CACNB2: variants seen among roughly 807,000 people sequenced by gnomAD.
CACNB2 encodes voltage-dependent L-type calcium channel subunit beta-2.
In CACNB2, 42 loss-of-function variants were observed where a neutral mutation model predicts 73.3. The ratio of observed to expected loss-of-function variants is 0.57; its 90% CI spans 0.45 to 0.74. CACNB2 has a LOEUF of 0.74. CACNB2 is among the 30% of genes least tolerant of loss of function. The probability of loss-of-function intolerance (pLI) is 0.00; values close to 1 mark genes in which losing one functional copy is unlikely to be tolerated. For synonymous variants in CACNB2, 348 were observed against 310.3 expected, an observed-to-expected ratio of 1.12 and a Z score of -1.28; for missense variants, 940 against 853.0, an observed-to-expected ratio of 1.10 and a Z score of -1.27.
At chr10:18,492,737 G>A (rs556610494) in intron 3 of CACNB2, among the ~76,000 whole-genome samples, 30 of 152,010 alleles carry the variant, frequency 2.0e-4, no homozygotes, top group Non-Finnish European at 4.0e-4. Flanking sequence ...TCACAGAAAA[G>A]CTTCTTGACT....
intron 10 of CACNB2, among the ~76,000 whole-genome samples, chr10:18,530,003 AAG>A (rs1367365843): frequency 6.6e-6 from 1 of 152,208 alleles, no homozygotes; most frequent in East Asian, 1.9e-4. Flanking sequence ...GGCAGCAGGC[AAG>A]AGAGAGCATG....
chr10:18,234,046 T>C (rs1277753), intron 2 of CACNB2: 130,275 of 152,134 alleles, frequency 0.86, 56,244 homozygotes, highest in African/African-American at 0.96. Flanking sequence ...TACCAGATAC[T>C]GGGACAGGCA....
intron 3 of CACNB2, among the ~76,000 whole-genome samples, chr10:18,460,597 A>G (rs2047519641): frequency 6.6e-6 from 1 of 152,160 alleles, no homozygotes; most frequent in African/African-American, 2.4e-5. Context: ...AAAAAAATAA[A>G]TAAAGGATTC....
intron 2 of CACNB2, among the ~76,000 whole-genome samples, chr10:18,332,909 T>C (rs1375718858): frequency 6.6e-6 from 1 of 152,202 alleles, no homozygotes; most frequent in Non-Finnish European, 1.5e-5. Context: ...CCATGTTAAA[T>C]GCAGGTTACA....
At chr10:18,352,226 ATGAGT>A (rs1311282595) in intron 2 of CACNB2, among the ~76,000 whole-genome samples, 1 of 152,216 alleles carries the variant, frequency 6.6e-6, no homozygotes, top group Non-Finnish European at 1.5e-5. Flanking sequence ...TTCTGATCGC[ATGAGT>A]TGAGTGGACT....
At position 18,536,275 on chromosome 10, in the gene CACNB2, G is replaced by GTTTTTTTTTTTTTTTTT. The variant is rs2053587888; in HGVS notation, c.1302+79_1302+80insTTTTTTTTTTTTTTTTT. The GTTTTTTTTTTTTTTTTT allele has an allele frequency of 1.1e-3, 105 of 92,512 alleles. 17 individuals carry two copies. The highest frequency in any genetic ancestry group is 2.9e-3 in the African/African-American group (29 of 10,160). The allele number at this position is 92,512 out of a possible 1,614,324, so 5.7% of individuals were successfully genotyped here. On this transcript the variant is annotated intron_variant, in intron 12 of 13. Coordinates refer to ENST00000324631, the MANE Select transcript of CACNB2 (RefSeq NM_201596.3). The stretch of plus-strand genomic sequence containing the variant: ...TTTTTTTTTTTTTTTTTTTTTTTTG[G>GTTTTTTTTTTTTTTTTT]GGGACAAGGTCTTGCTCTGTTGCCC...
chr10:18,374,463 C>T (rs1250835128), intron 2 of CACNB2, among the ~76,000 whole-genome samples: 1 of 152,200 alleles, frequency 6.6e-6, no homozygotes, highest in African/African-American at 2.4e-5. Flanking sequence ...TACAGTGGCT[C>T]ATGCCTATAA....
intron 3 of CACNB2, among the ~76,000 whole-genome samples, chr10:18,494,878 C>G (rs1186382140): frequency 6.6e-6 from 1 of 151,642 alleles, no homozygotes; most frequent in East Asian, 1.9e-4. Context: ...CTGGGCAACA[C>G]AGCAATACCC....
At chr10:18,260,464 T>G in intron 2 of CACNB2, 1 of 985,320 alleles carries the variant, frequency 1.0e-6, no homozygotes, top group Non-Finnish European at 1.2e-6. Context: ...ACCAAACAAC[T>G]GTGCGCCGCA....
At chr10:18,531,342 C>G (rs1028887917) in intron 10 of CACNB2, among the ~76,000 whole-genome samples, 1 of 152,124 alleles carries the variant, frequency 6.6e-6, no homozygotes, top group Non-Finnish European at 1.5e-5. Context: ...TTCTTCCTCC[C>G]ACCCTGATAG....
intron 2 of CACNB2, among the ~76,000 whole-genome samples, chr10:18,295,009 C>T (rs911825609): frequency 1.3e-5 from 2 of 152,160 alleles, no homozygotes; most frequent in Non-Finnish European, 2.9e-5. Context: ...CTGACACAGT[C>T]AAGCTTCATA....
At chr10:18,359,017 C>T (rs1336563295) in intron 2 of CACNB2, among the ~76,000 whole-genome samples, 1 of 151,908 alleles carries the variant, frequency 6.6e-6, no homozygotes, top group Non-Finnish European at 1.5e-5. Context: ...TTAATACAGG[C>T]CTGAATTTAA....
chr10:18,203,169 C>T (rs2034954262), intron 2 of CACNB2, among the ~76,000 whole-genome samples: 1 of 152,122 alleles, frequency 6.6e-6, no homozygotes, highest in Non-Finnish European at 1.5e-5. Context: ...AAATTTTGTT[C>T]TTTCATCTGT....
At chr10:18,388,084 G>A (rs1030143438) in intron 2 of CACNB2, among the ~76,000 whole-genome samples, 1 of 152,144 alleles carries the variant, frequency 6.6e-6, no homozygotes, top group Non-Finnish European at 1.5e-5. Flanking sequence ...TTACCAAAAT[G>A]TATTCTTACC....
chr10:18,248,658 C>T (rs2036963060), intron 2 of CACNB2, among the ~76,000 whole-genome samples: 1 of 152,198 alleles, frequency 6.6e-6, no homozygotes, highest in Admixed American at 6.5e-5. Context: ...TCTCATTGGA[C>T]ATATCCAATA....
chr10:18,516,765 G>A (rs2051321619), intron 7 of CACNB2, among the ~76,000 whole-genome samples: 1 of 151,570 alleles, frequency 6.6e-6, no homozygotes, highest in Non-Finnish European at 1.5e-5. Flanking sequence ...GTTGCTTTTA[G>A]AGTGGTGCTT....
At chr10:18,335,030 AT>A (rs962554742) in intron 2 of CACNB2, among the ~76,000 whole-genome samples, 21 of 152,084 alleles carry the variant, frequency 1.4e-4, no homozygotes, top group African/African-American at 5.1e-4. Flanking sequence ...AAAACATGCT[AT>A]TTTAATATAT....
At position 18,540,337 on chromosome 10, in the gene CACNB2, T is replaced by A. The variant is rs543219348; in HGVS notation, c.*613T>A. ...ACACCTTCTTATTATATATATAATA[T>A]ATATATATATCAGTTTGATCACACT... On this transcript the variant is annotated 3_prime_UTR_variant, in exon 14 of 14. Transcript: ENST00000324631. 2 of 141,332 alleles carry A rather than the reference T, an allele frequency of 1.4e-5. No individual in the cohort carries two copies. Among genetic ancestry groups the A allele is most frequent in the South Asian group, 4.2e-4 (2 of 4,812 alleles). The allele number at this position is 141,332 out of a possible 1,614,324, so 8.8% of individuals were successfully genotyped here. A position where few individuals can be genotyped will look rare whatever the true frequency, so the allele number is the denominator to read the frequency against.
chr10:18,412,784 T>G (rs1011131452), intron 3 of CACNB2, among the ~76,000 whole-genome samples: 1 of 152,198 alleles, frequency 6.6e-6, no homozygotes, highest in African/African-American at 2.4e-5. Flanking sequence ...GGCCTCCTGA[T>G]GTTTGTTGCT....
Sources: gnomAD v4.1 joint callset for allele counts (sites outside exome capture counted in the v4.1 genomes callset) on GRCh38, gnomAD v4.1.1 for gene constraint, MANE v1.5 for transcripts, NCBI Gene and HGNC (gene_info 2026-07-23, HGNC 2026-07-21) for gene names.